WDSUB1: variants seen among roughly 807,000 people sequenced by gnomAD.
WDSUB1 encodes the protein WD repeat, sterile alpha motif and U-box domain containing 1, also known as WD repeat, SAM and U-box domain-containing protein 1.
In WDSUB1, 49 loss-of-function variants were observed where a neutral mutation model predicts 53.9. That is an observed-to-expected ratio of 0.91 (90% CI 0.72 to 1.15). The LOEUF (loss-of-function observed/expected upper bound fraction) is 1.15, where lower values mean the gene tolerates loss of function less well. Ranked by LOEUF, WDSUB1 falls within the 50% of genes most tolerant of loss-of-function variation. The pLI is 0.00. For synonymous variants in WDSUB1, 194 were observed against 200.6 expected, an observed-to-expected ratio of 0.97 and a Z score of 0.28; for missense variants, 514 against 562.0, an observed-to-expected ratio of 0.91 and a Z score of 0.86.
At chr2:159,249,518 T>C (rs1163886707) in intron 9 of WDSUB1, among the ~76,000 whole-genome samples, 5 of 152,198 alleles carry the variant, frequency 3.3e-5, no homozygotes, top group Admixed American at 3.3e-4. Context: ...TGGGAGGTAA[T>C]GCTCCATGAG....
intron 2 of WDSUB1, 103 bp downstream of exon 2, chr2:159,282,569 A>G (rs1368626209): frequency 2.2e-6 from 3 of 1,345,624 alleles, no homozygotes; most frequent in South Asian, 1.6e-5. Context: ...CTTTTTTTCT[A>G]CATCACTTAG....
chr2:159,261,894 ATATTTTTTTTTTTTTT>A (rs2061232876), intron 5 of WDSUB1, among the ~76,000 whole-genome samples: 5 of 13,308 alleles, frequency 3.8e-4, no homozygotes, highest in Admixed American at 1.3e-3. Context: ...ATATATATAT[ATATTTTTTTTTTTTTT>A]TTTTTTTTTT....
intron 3 of WDSUB1, 28 bp from the exon 4 acceptor site, chr2:159,275,666 G>T (rs756467715): frequency 6.5e-7 from 1 of 1,535,190 alleles, no homozygotes; most frequent in African/African-American, 1.5e-5. Context: ...TAAATACAGA[G>T]AATTTGTAAA....
intron 10 of WDSUB1, among the ~76,000 whole-genome samples, chr2:159,238,620 T>C (rs1041914283): frequency 3.3e-5 from 5 of 152,248 alleles, no homozygotes; most frequent in African/African-American, 9.6e-5. Flanking sequence ...AATCACTAAA[T>C]TTCCAAATGT....
chr2:159,269,314 G>T (rs1398112016), intron 5 of WDSUB1, among the ~76,000 whole-genome samples: 1 of 151,912 alleles, frequency 6.6e-6, no homozygotes, highest in Non-Finnish European at 1.5e-5. Context: ...GGAATTACAG[G>T]TGCCCACCAT....
chr2:159,270,745 G>A (rs963114567), intron 5 of WDSUB1, among the ~76,000 whole-genome samples: 6 of 152,104 alleles, frequency 3.9e-5, no homozygotes, highest in African/African-American at 1.4e-4. Context: ...AGAACATAAA[G>A]AAGCTGACTA....
In WDSUB1 at chr2:159,257,943, A is replaced by T; in HGVS notation, c.845+2T>A. 1.9e-6 allele frequency: 3 copies of T among 1,613,518 alleles called. No homozygotes were observed. The highest frequency in any genetic ancestry group is 2.5e-6 in the Non-Finnish European group (3 of 1,179,618). ...TAATACAAGGTGAGGTTAAGTTCAG[A>T]CCTGGTGTGCTGAGTCAATGTGTGA... On this transcript the variant is annotated splice_donor_variant, in intron 7 of 10. Transcript: ENST00000359774. LOFTEE classifies it high-confidence loss of function.
chr2:159,248,352 T>C lies in WDSUB1; in HGVS notation c.1273+20A>G, dbSNP rs2060867308. On this transcript the variant is annotated intron_variant, in intron 10 of 10. Transcript: ENST00000359774. ...TTAGCACAAAACATCCCCTGCAACT[T>C]AGTATAGCATCACACATACCTGATG... 6.2e-7 allele frequency: 1 copy of C among 1,606,396 alleles called. No individual in the cohort carries two copies. Among genetic ancestry groups the C allele is most frequent in the East Asian group, 2.3e-5 (1 of 44,278 alleles).
intron 5 of WDSUB1, among the ~76,000 whole-genome samples, chr2:159,266,416 C>T (rs531444620): frequency 1.9e-3 from 287 of 152,276 alleles, no homozygotes; most frequent in Middle Eastern, 3.4e-3. Context: ...TCTTGATCTC[C>T]TGACCTCATG....
intron 5 of WDSUB1, among the ~76,000 whole-genome samples, chr2:159,266,470 G>A (rs2061350856): frequency 6.6e-6 from 1 of 152,194 alleles, no homozygotes; most frequent in Non-Finnish European, 1.5e-5. Flanking sequence ...TTACAGGCGT[G>A]AGCCACCGCG....
At chr2:159,238,775 T>G (rs2060558362) in intron 10 of WDSUB1, among the ~76,000 whole-genome samples, 1 of 150,270 alleles carries the variant, frequency 6.7e-6, no homozygotes, top group Non-Finnish European at 1.5e-5. Flanking sequence ...TTATTTTTGC[T>G]GTTCTTGTTT....
chr2:159,277,882 T>C (rs2061575622), intron 3 of WDSUB1, among the ~76,000 whole-genome samples: 1 of 152,134 alleles, frequency 6.6e-6, no homozygotes, highest in East Asian at 1.9e-4. Flanking sequence ...AGATTAAAAT[T>C]ATACCGAGAG....
chr2:159,235,922 TAAG>T lies in WDSUB1; in HGVS notation c.*108_*110del, dbSNP rs2060467740. The T allele has an allele frequency of 2.7e-6, 3 of 1,092,128 alleles. No individual in the cohort carries two copies. Among genetic ancestry groups the T allele is most frequent in the Non-Finnish European group, 3.6e-6 (3 of 825,644 alleles). 67.7% of individuals were successfully genotyped at this position (1,092,128 alleles called of 1,614,324 possible). A position where few individuals can be genotyped will look rare whatever the true frequency, so the allele number is the denominator to read the frequency against. Reference sequence around the variant, plus strand: ...GACAATTTTTATAGGTAACTAAATTTAAGAAGTTTACCTTTTTCCTGTTTTGCT... The same window carrying T: ...GACAATTTTTATAGGTAACTAAATTTAAGTTTACCTTTTTCCTGTTTTGCT... On this transcript the variant is annotated 3_prime_UTR_variant, in exon 11 of 11. Transcript: ENST00000359774.
chr2:159,267,952 G>T (rs2061377159), intron 5 of WDSUB1, among the ~76,000 whole-genome samples: 1 of 152,120 alleles, frequency 6.6e-6, no homozygotes, highest in Non-Finnish European at 1.5e-5. Flanking sequence ...GTGACCTTGA[G>T]CAACACCATA....
At chr2:159,282,370 T>C (rs174263) in intron 2 of WDSUB1, among the ~76,000 whole-genome samples, 10,359 of 152,068 alleles carry the variant, frequency 0.068, 384 homozygotes, top group African/African-American at 0.11. Flanking sequence ...TTTTTTGTAT[T>C]TTTAGTAGAG....
chr2:159,260,667 T>C (rs2061169959), intron 5 of WDSUB1, among the ~76,000 whole-genome samples: 1 of 152,238 alleles, frequency 6.6e-6, no homozygotes, highest in African/African-American at 2.4e-5. Flanking sequence ...TCTGGGGTTA[T>C]GCTAGCAAAG....
chr2:159,266,262 C>T (rs569916841), intron 5 of WDSUB1, among the ~76,000 whole-genome samples: 2 of 151,956 alleles, frequency 1.3e-5, no homozygotes, highest in Admixed American at 1.3e-4. Context: ...GATCTGGACT[C>T]ACCGCAAGCA....
In WDSUB1 at chr2:159,237,519, TCAAAAAAAAAAA is replaced by T. The variant is rs572553237; in HGVS notation, c.1274-1341_1274-1330del. Reference sequence around the variant, plus strand: ...CTGGGTGACAGAGCAAGACTCCATCTCAAAAAAAAAAAAAGTTACAACTATAAAACAAGGTAC... The same window carrying T: ...CTGGGTGACAGAGCAAGACTCCATCTAAGTTACAACTATAAAACAAGGTAC... On this transcript the variant is annotated intron_variant, in intron 10 of 10. Coordinates refer to ENST00000359774, the MANE Select transcript of WDSUB1 (RefSeq NM_001128212.3). Among the ~76,000 whole-genome samples, 1,442 of 146,396 alleles carry T rather than the reference TCAAAAAAAAAAA, an allele frequency of 9.8e-3. 22 individuals carry two copies. Among genetic ancestry groups the T allele is most frequent in the African/African-American group, 0.03 (1,156 of 37,950 alleles).
chr2:159,271,114 G>A (rs1016871349), intron 5 of WDSUB1, among the ~76,000 whole-genome samples: 1 of 152,122 alleles, frequency 6.6e-6, no homozygotes, highest in African/African-American at 2.4e-5. Flanking sequence ...TGCTATAGAA[G>A]TATTAATTGT....
Sources: allele counts gnomAD v4.1 joint callset (sites outside exome capture counted in the v4.1 genomes callset), GRCh38; gene constraint gnomAD v4.1.1; transcripts MANE v1.5; gene names NCBI Gene and HGNC (gene_info 2026-07-23, HGNC 2026-07-21).